E2F7: variants seen among roughly 807,000 people sequenced by gnomAD.
E2F7 encodes transcription factor E2F7.
E2F7 carries 35 observed loss-of-function variants against 81.1 expected under a neutral mutation model. That is an observed-to-expected ratio of 0.43 (90% CI 0.33 to 0.57). The LOEUF is 0.57. Among genes scored for constraint, E2F7 ranks in the 20% least tolerant of loss-of-function variants. E2F7 has a pLI of 0.04. For missense variants in E2F7, 961 were observed against 1,093.7 expected (o/e 0.88, Z 1.71); for synonymous variants, 416 against 416.2 (o/e 1.00, Z 0.01).
intron 4 of E2F7, among the ~76,000 whole-genome samples, chr12:77,048,336 A>G (rs191270840): frequency 6.6e-6 from 1 of 152,272 alleles, no homozygotes; most frequent in African/African-American, 2.4e-5. Context: ...ATTAATCCCA[A>G]TCACAGCATT....
intron 7 of E2F7, among the ~76,000 whole-genome samples, chr12:77,038,354 C>CT (rs1678424171): frequency 6.6e-6 from 1 of 152,100 alleles, no homozygotes; most frequent in Admixed American, 6.5e-5. Context: ...AAGATGGACT[C>CT]TATCTGTACC....
chr12:77,031,366 C>T (rs1442150292), intron 9 of E2F7, among the ~76,000 whole-genome samples: 1 of 152,150 alleles, frequency 6.6e-6, no homozygotes, highest in Non-Finnish European at 1.5e-5. Flanking sequence ...GAGGGCCAGG[C>T]GTGGTGGCTC....
At chr12:77,063,544 T>C (rs1955094853) in intron 2 of E2F7, among the ~76,000 whole-genome samples, 1 of 148,000 alleles carries the variant, frequency 6.8e-6, no homozygotes, top group South Asian at 2.3e-4. Flanking sequence ...TCTGGTTCAC[T>C]ATTATCCACA....
intron 2 of E2F7, among the ~76,000 whole-genome samples, chr12:77,061,787 A>G (rs1955080607): frequency 6.6e-6 from 1 of 152,166 alleles, no homozygotes; most frequent in Admixed American, 6.5e-5. Context: ...ACTCAGCACC[A>G]CTAGCTTCCA....
intron 7 of E2F7, among the ~76,000 whole-genome samples, chr12:77,040,702 G>A (rs1300614962): frequency 6.6e-6 from 1 of 152,170 alleles, no homozygotes. Flanking sequence ...GGGACCAGGA[G>A]GGAGGAATTA....
In E2F7 at chr12:77,025,527, G is replaced by A. The variant is rs375753731; in HGVS notation, c.2565+31C>T. The A allele has an allele frequency of 3.1e-5, 50 of 1,607,496 alleles. No individual in the cohort carries two copies. In the African/African-American group the frequency reaches 6.3e-4, roughly 20 times the overall value. ...ACACAGGCATACCCCTTCCCAGAGT[G>A]ACAGTGTCTTCAGGAAACTTCAGGC... On this transcript the variant is annotated intron_variant, in intron 12 of 12. Transcript: ENST00000322886.
chr12:77,035,565 C>A (rs533325382), intron 7 of E2F7, among the ~76,000 whole-genome samples: 1 of 152,308 alleles, frequency 6.6e-6, no homozygotes, highest in South Asian at 2.1e-4. Flanking sequence ...CTAAGCCAAA[C>A]TTAAAAGCAA....
At chr12:77,044,918 A>G in intron 5 of E2F7, 123 bp from the exon 6 acceptor site, 1 of 1,147,246 alleles carries the variant, frequency 8.7e-7, no homozygotes, top group South Asian at 1.6e-5. Flanking sequence ...TGTCATTGGC[A>G]GAAGCTTACT....
At position 77,023,893 on chromosome 12, in the gene E2F7, CAG is replaced by C; in HGVS notation, c.*120_*121del. 8.3e-7 allele frequency: 1 copy of C among 1,197,998 alleles called. No individual in the cohort carries two copies. Among genetic ancestry groups the C allele is most frequent in the Non-Finnish European group, 1.2e-6 (1 of 856,362 alleles). The allele number at this position is 1,197,998 out of a possible 1,614,324, so 74.2% of individuals were successfully genotyped here. A position where few individuals can be genotyped will look rare whatever the true frequency, so the allele number is the denominator to read the frequency against. On this transcript the variant is annotated 3_prime_UTR_variant, in exon 13 of 13. Transcript: ENST00000322886. ...ATGATTGATGGTGGTGGGAAGTTAA[CAG>C]AAGTGTGGATGAAAGAGAGAGGAAG...
At position 77,050,672 on chromosome 12, in the gene E2F7, C is replaced by G; in HGVS notation, c.442G>C (p.Gly148Arg). 1 of 1,613,992 alleles carries G rather than the reference C, an allele frequency of 6.2e-7. No individual in the cohort carries two copies. Among genetic ancestry groups the G allele is most frequent in the Non-Finnish European group, 8.5e-7 (1 of 1,179,926 alleles). Reference protein sequence around the residue: ...QRPSRKQKSLGLLCQKFLARY... With the variant: ...QRPSRKQKSLRLLCQKFLARY... ...GCTAGAAACTTCTGGCACAGGAGTC[C>G]TAAACTTTTCTGTTTTCTGCTTGGC... The change falls in exon 4 of 13, where the codon GGA becomes CGA. Residue 148 changes from glycine to arginine, a missense_variant. Gly to Arg is a moderately radical substitution (Grantham distance 125, BLOSUM62 -2). This residue lies in a region of E2F7 where 301 missense variants were observed against 405.0 expected (regional missense o/e 0.74). Transcript: ENST00000322886.
At chr12:77,026,348 G>A (rs1348856197) in intron 11 of E2F7, among the ~76,000 whole-genome samples, 2 of 152,108 alleles carry the variant, frequency 1.3e-5, no homozygotes, top group Non-Finnish European at 2.9e-5. Flanking sequence ...TGTTACCCAG[G>A]CTGGAGTGCA....
At position 77,061,241 on chromosome 12, in the gene E2F7, T is replaced by G. The variant is rs192491180; in HGVS notation, c.93+3302A>C. 1.3e-3 allele frequency among the ~76,000 whole-genome samples: 198 copies of G among 152,350 alleles called. 1 individual carries two copies. The highest frequency in any genetic ancestry group is 4.5e-3 in the African/African-American group (187 of 41,574). ...TGAATTCCAAAATCAGGCTACCTGC[T>G]GCTTTCTGCACATATTTATTTACCT... On this transcript the variant is annotated intron_variant, in intron 2 of 12. Coordinates refer to ENST00000322886, the MANE Select transcript of E2F7 (RefSeq NM_203394.3).
intron 2 of E2F7, among the ~76,000 whole-genome samples, chr12:77,061,002 T>G (rs1288172442): frequency 1.3e-5 from 2 of 152,198 alleles, no homozygotes; most frequent in African/African-American, 4.8e-5. Flanking sequence ...GCCCTTAACT[T>G]GTGAGATACC....
Position 77,023,954 on chromosome 12 carries a change from G to T in E2F7, c.*61C>A, listed in dbSNP as rs976364952. ...CTCAGGACGGGATGGTTTGCATCCC[G>T]CCTCGGACATCCGGGACTCTCAGGG... On this transcript the variant is annotated 3_prime_UTR_variant, in exon 13 of 13. Transcript: ENST00000322886. The T allele has an allele frequency of 1.3e-6, 2 of 1,574,618 alleles. No individual in the cohort carries two copies. Among genetic ancestry groups the T allele is most frequent in the Admixed American group, 1.8e-5 (1 of 54,728 alleles).
intron 2 of E2F7, among the ~76,000 whole-genome samples, chr12:77,060,918 A>G (rs1955072951): frequency 6.6e-6 from 1 of 152,166 alleles, no homozygotes; most frequent in South Asian, 2.1e-4. Context: ...GATCAAGTCA[A>G]TGGCAAAATA....
chr12:77,027,757 T>TA (rs1473641357), intron 11 of E2F7, 126 bp downstream of exon 11: 7 of 1,307,716 alleles, frequency 5.4e-6, no homozygotes, highest in Non-Finnish European at 3.1e-6. Flanking sequence ...ACAAAGGGGC[T>TA]AAGAGTAAAA....
In E2F7 at chr12:77,027,968, A is replaced by G. The variant is rs747635246; in HGVS notation, c.2055T>C (p.Asn685=). 6.2e-7 allele frequency: 1 copy of G among 1,614,152 alleles called. No individual in the cohort carries two copies. The highest frequency in any genetic ancestry group is 8.5e-7 in the Non-Finnish European group (1 of 1,180,020). Reference sequence around the variant, plus strand: ...CTTTTGAAGGCTTTTCAACATCTGTATTTCTTGAAGGATTTCCCCACTCAG... The same window carrying G: ...CTTTTGAAGGCTTTTCAACATCTGTGTTTCTTGAAGGATTTCCCCACTCAG... The part of the protein sequence containing the change: ...VSSEWGNPSR[N]TDVEKPSKEN... Residue 685 remains asparagine (N), a synonymous_variant, in exon 11 of 13, where the codon AAT becomes AAC. Transcript: ENST00000322886.
intron 2 of E2F7, among the ~76,000 whole-genome samples, chr12:77,060,796 T>G (rs1955071586): frequency 6.6e-6 from 1 of 152,168 alleles, no homozygotes; most frequent in African/African-American, 2.4e-5. Context: ...CAGAGCACAC[T>G]TTCTAGAAGC....
chr12:77,029,860 C>G lies in E2F7; in HGVS notation c.1855G>C (p.Asp619His). The G allele has an allele frequency of 4.3e-6, 7 of 1,614,260 alleles. No individual in the cohort carries two copies. The highest frequency in any genetic ancestry group is 5.9e-6 in the Non-Finnish European group (7 of 1,180,048). The change falls in exon 10 of 13, where the codon GAC becomes CAC. Residue 619 changes from aspartate to histidine, a missense_variant. Physicochemically the swap from Asp to His is moderately conservative, Grantham distance 81 (BLOSUM62 -1). Transcript: ENST00000322886. ...ATKRQSREYE[D>H]GPLSLVMPKK... ...GGCATGACAAGCGACAGCGGGCCGT[C>G]TTCATATTCCCTACTTTGCCTTTTA...
Sources: gnomAD v4.1 joint callset for allele counts (sites outside exome capture counted in the v4.1 genomes callset) on GRCh38, gnomAD v4.1.1 for gene constraint, gnomAD v4.1.1 regional missense constraint, MANE v1.5 for transcripts, NCBI Gene and HGNC (gene_info 2026-07-23, HGNC 2026-07-21) for gene names.